ZC3H12B: variants seen among roughly 807,000 people sequenced by gnomAD.
The protein encoded by ZC3H12B is zinc finger CCCH-type containing 12B, also known as probable ribonuclease ZC3H12B.
Under a neutral mutation model 43.9 loss-of-function variants are expected in ZC3H12B, and 7 were observed. That is an observed-to-expected ratio of 0.16 (90% CI 0.09 to 0.30). The LOEUF is 0.30. Ranked by LOEUF, ZC3H12B falls within the 10% of genes least tolerant of loss-of-function variation. The pLI, the probability that ZC3H12B is intolerant of heterozygous loss-of-function variation, is 1.00. For synonymous variants in ZC3H12B, 222 were observed against 241.7 expected (o/e 0.92, Z 0.76); for missense variants, 475 against 670.2 (o/e 0.71, Z 3.22).
the ZC3H12B span, among the ~76,000 whole-genome samples, chrX:65,296,897 A>C: frequency 8.9e-6 from 1 of 112,053 alleles, no homozygotes; most frequent in East Asian, 2.8e-4. Context: ...ATAATTAAAA[A>C]AAATTATGTG....
the ZC3H12B span, among the ~76,000 whole-genome samples, chrX:65,129,257 G>GTATATA: frequency 1.7e-4 from 15 of 86,003 alleles, no homozygotes; most frequent in African/African-American, 1.1e-3. Flanking sequence ...GTGTATATAT[G>GTATATA]TATATATATA....
the ZC3H12B span, among the ~76,000 whole-genome samples, chrX:65,167,594 C>G: frequency 1.8e-5 from 2 of 111,628 alleles, no homozygotes; most frequent in Non-Finnish European, 3.8e-5. Context: ...TCATTGGTAG[C>G]TTTATGGGGA....
chrX:65,084,083 C>T, the ZC3H12B span, among the ~76,000 whole-genome samples: 2 of 111,864 alleles, frequency 1.8e-5, no homozygotes, highest in South Asian at 3.7e-4. Flanking sequence ...TAGACCCCTA[C>T]TCTTGCCATA....
chrX:65,210,914 T>C, the ZC3H12B span, among the ~76,000 whole-genome samples: 43 of 46,841 alleles, frequency 9.2e-4, no homozygotes, highest in African/African-American at 4.1e-3. Context: ...CTCTGGGGAC[T>C]GTGGTGGGGT....
rs140469357 is a variant in ZC3H12B, at chrX:65,463,320, G to C, written n.408-25326G>C. The stretch of plus-strand genomic sequence containing the variant: ...TTTTTATGGGAATTGCATTGAATTT[G>C]TAGATTGCTTTTGGCAGTATGGTCA... On this transcript the variant is annotated intron_variant and non_coding_transcript_variant, in intron 3 of 5. Transcript: ENST00000617377. Among the ~76,000 whole-genome samples the C allele has an allele frequency of 1.2e-3, 133 of 112,094 alleles. 1 individual carries two copies. The highest frequency in any genetic ancestry group is 4.3e-3 in the African/African-American group (133 of 30,872).
chrX:65,439,504 C>T lies in ZC3H12B; in HGVS notation n.407+40800C>T, dbSNP rs896701693. ...GCAAAGCAATCTTCCTAAACAAGTA[C>T]GTTCATTTTTTCTAACTGGGTCCAA... On this transcript the variant is annotated intron_variant and non_coding_transcript_variant, in intron 3 of 5. Coordinates refer to the ZC3H12B transcript ENST00000617377. Among the ~76,000 whole-genome samples the T allele has an allele frequency of 5.4e-5, 6 of 111,604 alleles. 1 individual carries two copies. Among genetic ancestry groups the T allele is most frequent in the South Asian group, 3.8e-4 (1 of 2,627 alleles).
Position 65,497,335 on chromosome X carries a change from T to A in ZC3H12B, c.748+64T>A, listed in dbSNP as rs145696172. The A allele has an allele frequency of 4.8e-6, 5 of 1,032,479 alleles. No homozygotes were observed. The African/African-American group carries it at 9.4e-5, about 19-fold the overall frequency. 85.1% of individuals were successfully genotyped at this position (1,032,479 alleles called of 1,213,427 possible). ...CAAATCTGGAAAGATAGTTTGGGGA[T>A]GGTCCCAATTTAGATATTTATTTTT... is the stretch of plus-strand genomic sequence containing the variant. On this transcript the variant is annotated intron_variant, in intron 2 of 4. Coordinates refer to ENST00000338957, the Ensembl canonical transcript of ZC3H12B.
the ZC3H12B span, among the ~76,000 whole-genome samples, chrX:65,232,862 G>C: frequency 5.4e-5 from 6 of 111,446 alleles, no homozygotes; most frequent in East Asian, 1.4e-3. Flanking sequence ...TACTTCACCT[G>C]TAAAGATGTA....
At chrX:65,413,459 T>C (rs2066927103) in intron 3 of ZC3H12B, among the ~76,000 whole-genome samples, 1 of 111,969 alleles carries the variant, frequency 8.9e-6, no homozygotes, top group African/African-American at 3.2e-5. Flanking sequence ...TAAGTTAATT[T>C]TTGTTTATGG....
At chrX:65,190,078 T>A in the ZC3H12B span, among the ~76,000 whole-genome samples, 9 of 111,753 alleles carry the variant, frequency 8.1e-5, no homozygotes, top group Non-Finnish European at 1.3e-4. Flanking sequence ...TGCTTGTTTT[T>A]CTCAGGTTTG....
chrX:65,228,830 C>T, the ZC3H12B span, among the ~76,000 whole-genome samples: 14 of 111,434 alleles, frequency 1.3e-4, no homozygotes, highest in South Asian at 1.1e-3. Context: ...TTACAACAGA[C>T]GTGAAGGACC....
chrX:65,428,368 T>C (rs2067109768), intron 3 of ZC3H12B, among the ~76,000 whole-genome samples: 1 of 112,418 alleles, frequency 8.9e-6, no homozygotes, highest in South Asian at 3.7e-4. Context: ...CCAACTTGGT[T>C]ACATTCTCCC....
the ZC3H12B span, among the ~76,000 whole-genome samples, chrX:65,316,452 C>T: frequency 6.3e-5 from 7 of 111,905 alleles, no homozygotes; most frequent in African/African-American, 2.3e-4. Context: ...AACAGTGGAC[C>T]TTTCAACAGA....
At chrX:65,230,396 A>C in the ZC3H12B span, among the ~76,000 whole-genome samples, 1 of 108,623 alleles carries the variant, frequency 9.2e-6, no homozygotes, top group African/African-American at 3.4e-5. Context: ...GGATGGGGGG[A>C]AGGGGGAGGG....
the ZC3H12B span, among the ~76,000 whole-genome samples, chrX:65,044,686 C>T: frequency 2.7e-5 from 3 of 111,015 alleles, no homozygotes; most frequent in Non-Finnish European, 5.7e-5. Context: ...GAAAATTAGT[C>T]AGATTATGAA....
chrX:65,393,378 C>T (rs2066653486), intron 2 of ZC3H12B, among the ~76,000 whole-genome samples: 1 of 111,441 alleles, frequency 9.0e-6, no homozygotes, highest in Non-Finnish European at 1.9e-5. Flanking sequence ...GTTTGCTGCA[C>T]CTTTCAACCC....
chrX:65,378,367 A>G (rs1465570155), intron 2 of ZC3H12B, among the ~76,000 whole-genome samples: 1 of 111,729 alleles, frequency 9.0e-6, no homozygotes, highest in Non-Finnish European at 1.9e-5. Flanking sequence ...TTGTTTGTTT[A>G]GATAAAGAGT....
chrX:65,389,827 A>G (rs1478780373), intron 2 of ZC3H12B, among the ~76,000 whole-genome samples: 2 of 112,412 alleles, frequency 1.8e-5, no homozygotes, highest in Admixed American at 9.4e-5. Context: ...ATCTAGTTCA[A>G]CCATTGTGGA....
chrX:65,305,290 G>T, the ZC3H12B span, among the ~76,000 whole-genome samples: 1 of 110,905 alleles, frequency 9.0e-6, no homozygotes, highest in Non-Finnish European at 1.9e-5. Flanking sequence ...TGAACTCCAG[G>T]TCTGTCTCAC....
Sources: allele counts gnomAD v4.1 joint callset (sites outside exome capture counted in the v4.1 genomes callset), GRCh38; gene constraint gnomAD v4.1.1; transcripts MANE v1.5; gene names NCBI Gene and HGNC (gene_info 2026-07-23, HGNC 2026-07-21).